MICALL1: variants seen among roughly 807,000 people sequenced by gnomAD.
MICALL1 encodes the protein MICAL-like protein 1.
Under a neutral mutation model 83.7 loss-of-function variants are expected in MICALL1, and 61 were observed. The ratio of observed to expected loss-of-function variants is 0.73; its 90% CI spans 0.59 to 0.90. The LOEUF is 0.90. Among genes scored for constraint, MICALL1 ranks in the 40% least tolerant of loss-of-function variants. The probability of loss-of-function intolerance (pLI) is 0.00; values close to 1 mark genes in which losing one functional copy is unlikely to be tolerated. For synonymous variants in MICALL1, 481 were observed against 473.6 expected (o/e 1.02, Z -0.20); for missense variants, 1,066 against 1,152.0 (o/e 0.93, Z 1.08).
At chr22:37,926,442 G>A (rs997757921) in intron 8 of MICALL1, 8 of 194,942 alleles carry the variant, frequency 4.1e-5, no homozygotes, top group East Asian at 1.2e-4. Context: ...TGTCACTGTC[G>A]CTGCAGTTCC....
chr22:37,927,173 G>C (rs1424071920), intron 8 of MICALL1: 11 of 513,830 alleles, frequency 2.1e-5, no homozygotes, highest in Non-Finnish European at 3.8e-5. Context: ...GGAGTGTGGG[G>C]AAGTGGAGGC....
At chr22:37,937,936 A>T in intron 15 of MICALL1, 144 bp downstream of exon 15, 1 of 1,016,716 alleles carries the variant, frequency 9.8e-7, no homozygotes, top group Non-Finnish European at 1.5e-6. Context: ...TTGTGCAGAG[A>T]GGGCTGTGTG....
chr22:37,922,106 C>T lies in MICALL1; in HGVS notation c.704C>T (p.Ser235Leu). The T allele has an allele frequency of 6.2e-7, 1 of 1,613,308 alleles. No homozygotes were observed. Among genetic ancestry groups the T allele is most frequent in the Non-Finnish European group, 8.5e-7 (1 of 1,179,998 alleles). Reference sequence around the variant, plus strand: ...TCGGGGACCAGGCCTGGGCCCTTCTCACAGCCAAAGCAGCAGCACCAGCAG... The same window carrying T: ...TCGGGGACCAGGCCTGGGCCCTTCTTACAGCCAAAGCAGCAGCACCAGCAG... ...TRSGTRPGPFSQPKQQHQQQL... is the reference protein window; with the variant it reads ...TRSGTRPGPFLQPKQQHQQQL... The change falls in exon 6 of 16, where the codon TCA becomes TTA. Residue 235 changes from serine (S) to leucine (L), a missense_variant. Transcript: ENST00000215957.
intron 13 of MICALL1, among the ~76,000 whole-genome samples, chr22:37,933,578 G>A (rs1039812035): frequency 6.6e-6 from 1 of 152,150 alleles, no homozygotes; most frequent in Non-Finnish European, 1.5e-5. Flanking sequence ...GGAGACAGTG[G>A]ACGTGGACTC....
chr22:37,925,545 G>A (rs1929364945), intron 7 of MICALL1, 116 bp from the exon 8 acceptor site: 1 of 680,784 alleles, frequency 1.5e-6, no homozygotes, highest in Admixed American at 2.8e-5. Context: ...GGTGGGAGAA[G>A]GGAAACAGCC....
chr22:37,910,843 C>G (rs1175748104), intron 1 of MICALL1, among the ~76,000 whole-genome samples: 1 of 152,186 alleles, frequency 6.6e-6, no homozygotes, highest in Non-Finnish European at 1.5e-5. Flanking sequence ...AGTGCTTTTC[C>G]TGATTTGCAC....
At chr22:37,927,133 T>G in intron 8 of MICALL1, 1 of 419,204 alleles carries the variant, frequency 2.4e-6, no homozygotes, top group Non-Finnish European at 4.3e-6. Context: ...CAAGGTGGTT[T>G]TGCTGTGGGT....
chr22:37,934,808 G>GGATGGTCTCGATCTCCT (rs1316026588), intron 13 of MICALL1, among the ~76,000 whole-genome samples: 1 of 151,314 alleles, frequency 6.6e-6, no homozygotes, highest in Non-Finnish European at 1.5e-5. Flanking sequence ...ATGTTAGCCA[G>GGATGGTCTCGATCTCCT]GATGGTCTCG....
intron 2 of MICALL1, 79 bp from the exon 3 acceptor site, chr22:37,912,272 A>G: frequency 6.5e-7 from 1 of 1,526,802 alleles, no homozygotes; most frequent in Non-Finnish European, 8.9e-7. Flanking sequence ...AGCTGGGCCT[A>G]GGCTGAGGGG....
At chr22:37,914,232 T>G (rs1327716304) in intron 3 of MICALL1, among the ~76,000 whole-genome samples, 1 of 49,704 alleles carries the variant, frequency 2.0e-5, no homozygotes, top group Non-Finnish European at 4.4e-5. Context: ...CTTTTCTTTC[T>G]TTTTTTTTTT....
chr22:37,906,306 T>G lies in MICALL1; in HGVS notation c.-117T>G. ...CTCCGCCCCTCCCCTCGCCTGCCGG[T>G]CGGCGCCCGAGCTCGGAGCCGCAGC... is the stretch of plus-strand genomic sequence containing the variant. On this transcript the variant is annotated 5_prime_UTR_variant, in exon 1 of 16. Coordinates refer to ENST00000215957, the MANE Select transcript of MICALL1 (RefSeq NM_033386.4). This position sits in a 1 kb window ranked among gnomAD's most constrained non-coding sequence, Gnocchi z 4.4. 2.6e-6 allele frequency: 2 copies of G among 757,480 alleles called. No individual in the cohort carries two copies. Among genetic ancestry groups the G allele is most frequent in the Non-Finnish European group, 3.2e-6 (2 of 623,550 alleles). 46.9% of individuals were successfully genotyped at this position (757,480 alleles called of 1,614,324 possible).
rs1017144911 is a variant in MICALL1 at position 37,922,367 on chromosome 22, G to A, written c.965G>A (p.Arg322His). The A allele has an allele frequency of 1.6e-5, 25 of 1,527,060 alleles. No homozygotes were observed. Among genetic ancestry groups the A allele is most frequent in the East Asian group, 4.9e-5 (2 of 40,510 alleles). The allele number at this position is 1,527,060 out of a possible 1,614,324, so 94.6% of individuals were successfully genotyped here. ...TTPAPPTPRP[R>H]SSLQQENLVE... Reference sequence around the variant, plus strand: ...CCAGCACCCCCCACGCCCCGGCCCCGCTCCAGTCTGCAGCAGGAGAACCTG... The same window carrying A: ...CCAGCACCCCCCACGCCCCGGCCCCACTCCAGTCTGCAGCAGGAGAACCTG... Residue 322 changes from arginine to histidine, a missense_variant, in exon 6 of 16, where the codon CGC becomes CAC. Arg to His is a conservative substitution (Grantham distance 29). Transcript: ENST00000215957.
intron 15 of MICALL1, among the ~76,000 whole-genome samples, chr22:37,938,974 T>C (rs12483843): frequency 2.0e-5 from 3 of 152,190 alleles, no homozygotes; most frequent in Admixed American, 2.0e-4. Flanking sequence ...CAGGCTGGTC[T>C]CGAACTCCTG....
chr22:37,936,947 T>C, intron 13 of MICALL1, 133 bp from the exon 14 acceptor site: 1 of 681,354 alleles, frequency 1.5e-6, no homozygotes, highest in Non-Finnish European at 2.5e-6. Context: ...GGGCCCTTCC[T>C]TTCTGCGCTT....
At position 37,906,383 on chromosome 22, in the gene MICALL1, G is replaced by C. The variant is rs983455382; in HGVS notation, c.-40G>C. 1,632 of 1,065,426 alleles carry C rather than the reference G, an allele frequency of 1.5e-3. 3 individuals are homozygous for C. Among genetic ancestry groups the C allele is most frequent in the Non-Finnish European group, 1.8e-3 (1,567 of 882,544 alleles). The allele number at this position is 1,065,426 out of a possible 1,614,324, so 66.0% of individuals were successfully genotyped here. ...CGGCCGCCGTCCCGGCCAAGCCGGG[G>C]CCCCGAAGCCAGAGCCGGAGCCGGG... On this transcript the variant is annotated 5_prime_UTR_variant, in exon 1 of 16. Transcript: ENST00000215957. This position sits in a 1 kb window ranked among gnomAD's most constrained non-coding sequence, Gnocchi z 4.4.
chr22:37,917,716 C>T lies in MICALL1; in HGVS notation c.347C>T (p.Ser116Leu), dbSNP rs778087097. Reference sequence around the variant, plus strand: ...TCTCATCTCTTGGCAGCTGGTGTCTCGCCACCCAGAAAGGGCCTTGCACCC... The same window carrying T: ...TCTCATCTCTTGGCAGCTGGTGTCTTGCCACCCAGAAAGGGCCTTGCACCC... The part of the protein sequence containing the change: ...HFCSPGQAGV[S>L]PPRKGLAPCS... Residue 116 changes from serine to leucine, a missense_variant, in exon 4 of 16, where the codon TCG (serine) becomes TTG (leucine). Coordinates refer to ENST00000215957, the MANE Select transcript of MICALL1 (RefSeq NM_033386.4). 24 of 1,613,792 alleles carry T rather than the reference C, an allele frequency of 1.5e-5. No homozygotes were observed. The South Asian group carries it at 2.2e-4, about 15-fold the overall frequency.
At chr22:37,938,272 A>G (rs372009834) in intron 15 of MICALL1, among the ~76,000 whole-genome samples, 3 of 151,958 alleles carry the variant, frequency 2.0e-5, no homozygotes, top group African/African-American at 7.2e-5. Context: ...CGTGGTGGCG[A>G]GAGCTTGTAG....
intron 1 of MICALL1, among the ~76,000 whole-genome samples, chr22:37,908,725 C>T (rs568060783): frequency 2.4e-4 from 37 of 152,346 alleles, no homozygotes; most frequent in African/African-American, 8.7e-4. Flanking sequence ...ACACGCTCTC[C>T]CACACCTGTA....
intron 3 of MICALL1, among the ~76,000 whole-genome samples, chr22:37,916,018 G>A: frequency 6.6e-6 from 1 of 151,824 alleles, no homozygotes. Context: ...TCGCAATTCA[G>A]CCTTAGCCTG....
Sources: gnomAD v4.1 joint callset for allele counts (sites outside exome capture counted in the v4.1 genomes callset) on GRCh38, gnomAD v4.1.1 for gene constraint, Gnocchi (gnomAD v3.1) non-coding constraint, MANE v1.5 for transcripts, NCBI Gene and HGNC (gene_info 2026-07-23, HGNC 2026-07-21) for gene names.